KAT6B: variants seen among roughly 807,000 people sequenced by gnomAD.
KAT6B encodes histone acetyltransferase KAT6B.
In KAT6B, 10 loss-of-function variants were observed where a neutral mutation model predicts 187.5. The observed-to-expected ratio is 0.05, with a 90% confidence interval of 0.03 to 0.09. The LOEUF (loss-of-function observed/expected upper bound fraction) is 0.09, where lower values mean the gene tolerates loss of function less well. Among genes scored for constraint, KAT6B ranks in the 10% least tolerant of loss-of-function variants. The pLI is 1.00. For synonymous variants in KAT6B, 861 were observed against 926.8 expected (o/e 0.93, Z 1.29); for missense variants, 1,952 against 2,558.9 (o/e 0.76, Z 5.12).
intron 3 of KAT6B, among the ~76,000 whole-genome samples, chr10:74,852,604 A>G (rs1040414534): frequency 2.6e-5 from 4 of 152,214 alleles, no homozygotes; most frequent in Non-Finnish European, 5.9e-5. Flanking sequence ...TGAAGGGTGA[A>G]TGAGTCTTTC....
chr10:75,008,949 T>C (rs1223322488), intron 13 of KAT6B, among the ~76,000 whole-genome samples: 1 of 152,220 alleles, frequency 6.6e-6, no homozygotes, highest in Non-Finnish European at 1.5e-5. Flanking sequence ...AAAGCAATTC[T>C]GTATCTCAAT....
rs1230815842 is a variant in KAT6B at position 74,877,407 on chromosome 10, A to C, written c.621+33929A>C. Among the ~76,000 whole-genome samples the C allele has an allele frequency of 2.6e-5, 4 of 152,312 alleles. No homozygotes were observed. In the East Asian group the frequency reaches 7.7e-4, roughly 29 times the overall value. ...GATGCATACTTTTTTTCAAGGCTTT[A>C]CTGCAGTTTTAAAAAATATTTTATT... On this transcript the variant is annotated intron_variant, in intron 3 of 17. Transcript: ENST00000287239.
intron 3 of KAT6B, among the ~76,000 whole-genome samples, chr10:74,852,833 G>A (rs774260157): frequency 6.6e-6 from 1 of 152,140 alleles, no homozygotes; most frequent in Non-Finnish European, 1.5e-5. Context: ...ACATGATCCT[G>A]TCCTGAATGA....
intron 13 of KAT6B, among the ~76,000 whole-genome samples, chr10:75,006,757 T>A (rs766306269): frequency 1.3e-5 from 2 of 151,996 alleles, no homozygotes; most frequent in African/African-American, 2.4e-5. Context: ...CATCTTTTTA[T>A]AAACATATTC....
chr10:74,875,185 C>T (rs1844323761), intron 3 of KAT6B, among the ~76,000 whole-genome samples: 2 of 152,196 alleles, frequency 1.3e-5, no homozygotes, highest in African/African-American at 2.4e-5. Flanking sequence ...AGCTAATAAA[C>T]ACAGAGTGCT....
At chr10:74,869,726 C>T (rs1246793316) in intron 3 of KAT6B, among the ~76,000 whole-genome samples, 2 of 152,130 alleles carry the variant, frequency 1.3e-5, no homozygotes, top group African/African-American at 4.8e-5. Flanking sequence ...ATTTATTTGT[C>T]TGGCTATTTT....
chr10:74,864,402 G>A (rs774179268), intron 3 of KAT6B, among the ~76,000 whole-genome samples: 6 of 151,932 alleles, frequency 3.9e-5, no homozygotes, highest in Non-Finnish European at 5.9e-5. Flanking sequence ...CACTACGCCC[G>A]GCTAATTTTG....
At chr10:74,846,474 C>G (rs1842109765) in intron 3 of KAT6B, among the ~76,000 whole-genome samples, 1 of 151,942 alleles carries the variant, frequency 6.6e-6, no homozygotes, top group Admixed American at 6.6e-5. Flanking sequence ...GAGTCTTGCT[C>G]TGTCACCAGG....
intron 3 of KAT6B, among the ~76,000 whole-genome samples, chr10:74,897,160 G>GT (rs551356588): frequency 1.2e-4 from 19 of 152,092 alleles, no homozygotes; most frequent in Non-Finnish European, 2.8e-4. Flanking sequence ...AAATTTAATG[G>GT]TTTAAGATTT....
intron 4 of KAT6B, among the ~76,000 whole-genome samples, chr10:74,966,448 A>T (rs1841476842): frequency 6.6e-6 from 1 of 152,226 alleles, no homozygotes; most frequent in African/African-American, 2.4e-5. Context: ...TGTTGTGCTT[A>T]CTACAGAGCC....
intron 17 of KAT6B, among the ~76,000 whole-genome samples, chr10:75,027,549 TAAG>T (rs2134223594): frequency 6.6e-6 from 1 of 152,148 alleles, no homozygotes; most frequent in South Asian, 2.1e-4. Flanking sequence ...CTAAAGATCT[TAAG>T]AATACTTGGG....
chr10:74,976,472 C>A, intron 8 of KAT6B, 142 bp downstream of exon 8: 2 of 770,812 alleles, frequency 2.6e-6, no homozygotes, highest in Non-Finnish European at 2.2e-6. Flanking sequence ...CATACAGAAG[C>A]AGTGAAACTT....
At position 74,882,989 on chromosome 10, in the gene KAT6B, A is replaced by G. The variant is rs567992800; in HGVS notation, c.621+39511A>G. On this transcript the variant is annotated intron_variant, in intron 3 of 17. Transcript: ENST00000287239. Reference sequence around the variant, plus strand: ...TAAAAATTTCAGTGAATAATAGTATATATATATGGGAATGTATTCCTCATC... The same window carrying G: ...TAAAAATTTCAGTGAATAATAGTATGTATATATGGGAATGTATTCCTCATC... Among the ~76,000 whole-genome samples, 20 of 152,302 alleles carry G rather than the reference A, an allele frequency of 1.3e-4. No homozygotes were observed. The South Asian group carries it at 3.9e-3, about 30-fold the overall frequency.
chr10:74,826,376 G>A (rs148899682), upstream of KAT6B, among the ~76,000 whole-genome samples: 1,885 of 151,622 alleles, frequency 0.012, 17 homozygotes, highest in Non-Finnish European at 0.019. Context: ...CCCTCCCCCG[G>A]GGTGGTGCCG....
intron 3 of KAT6B, among the ~76,000 whole-genome samples, chr10:74,884,525 C>G (rs890904438): frequency 2.0e-5 from 3 of 151,968 alleles, no homozygotes; most frequent in African/African-American, 7.3e-5. Context: ...ATTATGGTAC[C>G]TTGAAGATCT....
At chr10:75,017,583 C>T (rs1209115918) in intron 13 of KAT6B, among the ~76,000 whole-genome samples, 1 of 152,066 alleles carries the variant, frequency 6.6e-6, no homozygotes, top group Admixed American at 6.5e-5. Context: ...CATTGCACTC[C>T]AGCCTAGGCA....
intron 3 of KAT6B, among the ~76,000 whole-genome samples, chr10:74,877,118 A>G (rs1462801717): frequency 1.3e-5 from 2 of 151,446 alleles, no homozygotes; most frequent in Admixed American, 1.3e-4. Flanking sequence ...GGCATGCGCC[A>G]CCACGCCTGG....
intron 3 of KAT6B, among the ~76,000 whole-genome samples, chr10:74,876,252 TA>T (rs1844409791): frequency 6.6e-6 from 1 of 152,144 alleles, no homozygotes; most frequent in Non-Finnish European, 1.5e-5. Flanking sequence ...ACTATGGCAG[TA>T]GAAAAATAGG....
intron 13 of KAT6B, among the ~76,000 whole-genome samples, chr10:75,020,337 A>G (rs1845302836): frequency 6.6e-6 from 1 of 152,178 alleles, no homozygotes; most frequent in Non-Finnish European, 1.5e-5. Context: ...ATGTCACAAT[A>G]TGTGTTTGGA....
Sources: allele counts gnomAD v4.1 joint callset (sites outside exome capture counted in the v4.1 genomes callset), GRCh38; gene constraint gnomAD v4.1.1; transcripts MANE v1.5; gene names NCBI Gene and HGNC (gene_info 2026-07-23, HGNC 2026-07-21).